LARP1: variants seen among roughly 807,000 people sequenced by gnomAD.
LARP1 encodes the protein la-related protein 1.
In LARP1, 36 loss-of-function variants were observed where a neutral mutation model predicts 122.7. The ratio of observed to expected loss-of-function variants is 0.29; its 90% CI spans 0.22 to 0.39. The LOEUF (loss-of-function observed/expected upper bound fraction) is 0.39, where lower values mean the gene tolerates loss of function less well. LARP1 is among the 10% of genes least tolerant of loss of function. The pLI, the probability that LARP1 is intolerant of heterozygous loss-of-function variation, is 1.00. For synonymous variants in LARP1, 539 were observed against 528.7 expected, an observed-to-expected ratio of 1.02 and a Z score of -0.27; for missense variants, 1,040 against 1,403.6, an observed-to-expected ratio of 0.74 and a Z score of 4.14.
chr5:154,746,440 G>A (rs1328437798), intron 1 of LARP1, among the ~76,000 whole-genome samples: 1 of 152,192 alleles, frequency 6.6e-6, no homozygotes. Context: ...ACCATGGAAT[G>A]CTTAAACATG....
At chr5:154,708,305 G>A (rs149102128), upstream of LARP1, among the ~76,000 whole-genome samples, 3 of 152,268 alleles carry the variant, frequency 2.0e-5, no homozygotes, top group East Asian at 5.8e-4. Flanking sequence ...TGAACATAGT[G>A]GTCGTTGTCC....
At chr5:154,774,775 G>A (rs1185678833) in intron 1 of LARP1, among the ~76,000 whole-genome samples, 1 of 152,140 alleles carries the variant, frequency 6.6e-6, no homozygotes, top group African/African-American at 2.4e-5. Context: ...ACTTGAAGCA[G>A]GTCAGAATCT....
chr5:154,684,550 C>A (rs1432107830), intron 1 of LARP1, among the ~76,000 whole-genome samples: 1 of 152,090 alleles, frequency 6.6e-6, no homozygotes, highest in African/African-American at 2.4e-5. Context: ...GCCCCTAGAC[C>A]CTCCTGCCTT....
intron 1 of LARP1, among the ~76,000 whole-genome samples, chr5:154,720,838 G>C (rs1386059050): frequency 1.3e-5 from 2 of 152,128 alleles, no homozygotes; most frequent in Non-Finnish European, 2.9e-5. Flanking sequence ...CTGGGCCAGT[G>C]GTTTGCAAAC....
At chr5:154,722,296 C>G (rs1240342556) in intron 1 of LARP1, among the ~76,000 whole-genome samples, 1 of 152,198 alleles carries the variant, frequency 6.6e-6, no homozygotes, top group African/African-American at 2.4e-5. Context: ...TGTCTTCCCT[C>G]CCTGCCTTTT....
intron 10 of LARP1, 80 bp downstream of exon 10, chr5:154,800,122 A>C (rs1758225171): frequency 1.5e-6 from 2 of 1,310,304 alleles, no homozygotes; most frequent in African/African-American, 1.5e-5. Flanking sequence ...TGGGCACAGC[A>C]CTCTAGCTCT....
At chr5:154,744,884 G>A (rs1477353302) in intron 1 of LARP1, among the ~76,000 whole-genome samples, 1 of 137,984 alleles carries the variant, frequency 7.2e-6, no homozygotes, top group Non-Finnish European at 1.5e-5. Flanking sequence ...TGATCCGCCC[G>A]CCTCGGCCTC....
intron 18 of LARP1, among the ~76,000 whole-genome samples, chr5:154,812,725 G>A (rs1485546148): frequency 6.6e-6 from 1 of 151,894 alleles, no homozygotes; most frequent in Non-Finnish European, 1.5e-5. Flanking sequence ...TCACCATGTT[G>A]GCCAGGCAGG....
intron 1 of LARP1, among the ~76,000 whole-genome samples, chr5:154,717,684 A>G (rs941132230): frequency 2.6e-5 from 4 of 152,128 alleles, no homozygotes; most frequent in Admixed American, 1.3e-4. Context: ...TAGGATGCCA[A>G]TTCCCAATAC....
At chr5:154,730,411 A>G (rs141589537) in intron 1 of LARP1, among the ~76,000 whole-genome samples, 305 of 151,870 alleles carry the variant, frequency 2.0e-3, no homozygotes, top group African/African-American at 7.3e-3. Context: ...CCTATAGCAC[A>G]CATGTAGAAA....
At chr5:154,708,635 CAG>C (rs1257049942), upstream of LARP1, among the ~76,000 whole-genome samples, 2 of 152,094 alleles carry the variant, frequency 1.3e-5, no homozygotes, top group Admixed American at 6.6e-5. Context: ...TGTTTTGAGA[CAG>C]AGTTTCATTC....
intron 1 of LARP1, among the ~76,000 whole-genome samples, chr5:154,734,968 A>G (rs900551461): frequency 6.6e-6 from 1 of 152,142 alleles, no homozygotes; most frequent in Non-Finnish European, 1.5e-5. Context: ...TAATGTCTTC[A>G]AGTTTCATTC....
chr5:154,799,077 T>C (rs1758126875), intron 8 of LARP1, among the ~76,000 whole-genome samples: 1 of 152,214 alleles, frequency 6.6e-6, no homozygotes, highest in South Asian at 2.1e-4. Context: ...TTGGCCAGGA[T>C]GGTCTCAATC....
At chr5:154,808,206 G>C (rs1758949676) in intron 15 of LARP1, among the ~76,000 whole-genome samples, 1 of 152,200 alleles carries the variant, frequency 6.6e-6, no homozygotes, top group Admixed American at 6.5e-5. Flanking sequence ...TGAAGAGCTA[G>C]ACTGCCAGCC....
chr5:154,793,948 CCGTGGA>C lies in LARP1; in HGVS notation c.1020_1025del (p.Arg352_Gly353del). On this transcript the variant is annotated inframe_deletion, in exon 6 of 19. Coordinates refer to ENST00000518297, the MANE Select transcript of LARP1 (RefSeq NM_033551.3). ...GTGGGGCGCGGGCTTCCTTCCGTGG[CCGTGGA>C]CGGGGGCGTGGTCGCGGCCGGGGAC... 6.2e-7 allele frequency: 1 copy of C among 1,613,434 alleles called. No homozygotes were observed. Among genetic ancestry groups the C allele is most frequent in the Admixed American group, 1.7e-5 (1 of 59,994 alleles).
At chr5:154,734,747 C>A (rs1490580976) in intron 1 of LARP1, among the ~76,000 whole-genome samples, 1 of 152,094 alleles carries the variant, frequency 6.6e-6, no homozygotes, top group African/African-American at 2.4e-5. Context: ...AGTATATTCA[C>A]GTTGTTGGAA....
chr5:154,789,219 CTTTTT>C (rs757782683), intron 1 of LARP1, among the ~76,000 whole-genome samples: 3 of 91,378 alleles, frequency 3.3e-5, no homozygotes, highest in African/African-American at 1.4e-4. Flanking sequence ...TCAAAACAAA[CTTTTT>C]TTTTTTTTTT....
chr5:154,806,450 C>T (rs1758792490), intron 15 of LARP1, among the ~76,000 whole-genome samples: 1 of 152,128 alleles, frequency 6.6e-6, no homozygotes, highest in Non-Finnish European at 1.5e-5. Context: ...TTTCGTATGG[C>T]TTTGGAGCTA....
intron 1 of LARP1, among the ~76,000 whole-genome samples, chr5:154,759,756 A>G (rs972567085): frequency 3.3e-5 from 5 of 152,244 alleles, no homozygotes; most frequent in African/African-American, 1.2e-4. Flanking sequence ...TGGAAACTGT[A>G]CTTCAGGTAC....
Sources: allele counts gnomAD v4.1 joint callset (sites outside exome capture counted in the v4.1 genomes callset), GRCh38; gene constraint gnomAD v4.1.1; transcripts MANE v1.5; gene names NCBI Gene and HGNC (gene_info 2026-07-23, HGNC 2026-07-21).